BCKDHB: variants seen among roughly 807,000 people sequenced by gnomAD.
BCKDHB encodes branched chain keto acid dehydrogenase E1 subunit beta.
Under a neutral mutation model 48.5 loss-of-function variants are expected in BCKDHB, and 41 were observed. The observed-to-expected ratio is 0.85, with a 90% CI of 0.66 to 1.10. The LOEUF (loss-of-function observed/expected upper bound fraction) is 1.10. Ranked by LOEUF, BCKDHB falls within the 50% of genes least tolerant of loss-of-function variation. BCKDHB has a pLI of 0.00. For synonymous variants in BCKDHB, 201 were observed against 174.8 expected (o/e 1.15, Z -1.18); for missense variants, 496 against 494.2 (o/e 1.00, Z -0.03).
At chr6:80,155,854 TTTAGGTTTTC>T (rs1253589902) in intron 3 of BCKDHB, among the ~76,000 whole-genome samples, 8 of 151,674 alleles carry the variant, frequency 5.3e-5, no homozygotes, top group African/African-American at 1.9e-4. Context: ...TTTTTTTTTT[TTTAGGTTTTC>T]TTTTTTTGAG....
At chr6:80,203,471 T>C (rs1203195903) in intron 8 of BCKDHB, among the ~76,000 whole-genome samples, 1 of 152,104 alleles carries the variant, frequency 6.6e-6, no homozygotes, top group Non-Finnish European at 1.5e-5. Context: ...TGCAGTCACC[T>C]TGGGTTGAAT....
chr6:80,205,934 C>CACTTGCTATT (rs1774636590), intron 8 of BCKDHB, among the ~76,000 whole-genome samples: 1 of 151,694 alleles, frequency 6.6e-6, no homozygotes, highest in Non-Finnish European at 1.5e-5. Context: ...TAGTTGGCTA[C>CACTTGCTATT]ACTTGCTATT....
chr6:80,122,537 G>C (rs189587656), intron 1 of BCKDHB, among the ~76,000 whole-genome samples: 95 of 152,268 alleles, frequency 6.2e-4, no homozygotes, highest in African/African-American at 2.3e-3. Flanking sequence ...CAGCTGGGCC[G>C]CCGGGGGTGA....
chr6:80,118,179 G>A (rs1417890341), intron 1 of BCKDHB, among the ~76,000 whole-genome samples: 3 of 151,992 alleles, frequency 2.0e-5, no homozygotes, highest in African/African-American at 4.8e-5. Context: ...GGCCTACCTC[G>A]GACATATTGT....
chr6:80,205,986 A>G (rs1774639192), intron 8 of BCKDHB, among the ~76,000 whole-genome samples: 1 of 152,062 alleles, frequency 6.6e-6, no homozygotes, highest in Non-Finnish European at 1.5e-5. Flanking sequence ...TATAGAACTC[A>G]TATTTTGTGG....
At chr6:80,336,087 T>C (rs1769576486) in intron 9 of BCKDHB, among the ~76,000 whole-genome samples, 1 of 152,008 alleles carries the variant, frequency 6.6e-6, no homozygotes, top group Non-Finnish European at 1.5e-5. Context: ...TATAAAGCTA[T>C]AGTTTTGAGA....
At chr6:80,396,854 C>A in the BCKDHB span, among the ~76,000 whole-genome samples, 6 of 152,142 alleles carry the variant, frequency 3.9e-5, no homozygotes, top group African/African-American at 1.4e-4. Context: ...ATCAATTAAA[C>A]CTCTTTTCAT....
chr6:80,287,536 G>A (rs1019005233), intron 9 of BCKDHB, among the ~76,000 whole-genome samples: 2 of 151,188 alleles, frequency 1.3e-5, no homozygotes, highest in Non-Finnish European at 2.9e-5. Flanking sequence ...CCAGGTTCTT[G>A]TCTCCCAACC....
At chr6:80,225,505 G>A (rs930428306) in intron 8 of BCKDHB, among the ~76,000 whole-genome samples, 5 of 152,090 alleles carry the variant, frequency 3.3e-5, no homozygotes, top group African/African-American at 1.2e-4. Flanking sequence ...AAAATATAGG[G>A]CATATTACAG....
At chr6:80,264,872 A>G (rs1777448670) in intron 8 of BCKDHB, among the ~76,000 whole-genome samples, 1 of 152,098 alleles carries the variant, frequency 6.6e-6, no homozygotes, top group Non-Finnish European at 1.5e-5. Context: ...ACAAAACATA[A>G]AACAGGGGGA....
the BCKDHB span, among the ~76,000 whole-genome samples, chr6:80,439,822 T>G: frequency 6.6e-6 from 1 of 152,172 alleles, no homozygotes; most frequent in Non-Finnish European, 1.5e-5. Flanking sequence ...TAGTTAGACT[T>G]AAGTCTGTAC....
the BCKDHB span, among the ~76,000 whole-genome samples, chr6:80,363,678 G>T: frequency 6.6e-6 from 1 of 152,132 alleles, no homozygotes; most frequent in South Asian, 2.1e-4. Context: ...AGGGCTGTGG[G>T]CCAAGGAGAT....
chr6:80,166,149 A>G (rs2127771538), intron 3 of BCKDHB, among the ~76,000 whole-genome samples: 1 of 152,262 alleles, frequency 6.6e-6, no homozygotes, highest in African/African-American at 2.4e-5. Context: ...TGGCCCTTCA[A>G]TGCCTTTAAA....
At chr6:80,220,561 C>T (rs1775396485) in intron 8 of BCKDHB, among the ~76,000 whole-genome samples, 1 of 151,356 alleles carries the variant, frequency 6.6e-6, no homozygotes, top group Non-Finnish European at 1.5e-5. Context: ...ATGGATGAGA[C>T]ATTGCTTTAG....
the BCKDHB span, among the ~76,000 whole-genome samples, chr6:80,428,290 G>T: frequency 3.1e-4 from 47 of 152,190 alleles, no homozygotes; most frequent in African/African-American, 1.1e-3. Context: ...CATTTGGGTT[G>T]GTTCCAAGTC....
At chr6:80,276,067 A>T (rs560076094) in intron 9 of BCKDHB, among the ~76,000 whole-genome samples, 25 of 152,192 alleles carry the variant, frequency 1.6e-4, no homozygotes, top group African/African-American at 6.0e-4. Flanking sequence ...GATGTTTTAA[A>T]TCGTGGATGA....
In BCKDHB at chr6:80,106,733, C is replaced by T. The variant is rs1371816763; in HGVS notation, c.40C>T (p.Leu14Phe). The change falls in exon 1 of 10, where the codon CTC becomes TTC. Residue 14 changes from leucine to phenylalanine, a missense_variant. Transcript: ENST00000320393. ...GGCGGCTGCCGGCTGGCTACTCAGGCTCAGGGCGGCAGGGGCTGAGGGGCA... is the reference window on the plus strand; with the variant it reads ...GGCGGCTGCCGGCTGGCTACTCAGGTTCAGGGCGGCAGGGGCTGAGGGGCA... ...VAAAAGWLLR[L>F]RAAGAEGHWR... 3.2e-6 allele frequency: 5 copies of T among 1,559,890 alleles called. No homozygotes were observed. Among genetic ancestry groups the T allele is most frequent in the Non-Finnish European group, 4.3e-6 (5 of 1,153,172 alleles).
intron 3 of BCKDHB, among the ~76,000 whole-genome samples, chr6:80,166,812 G>T (rs1339138470): frequency 1.3e-5 from 2 of 152,178 alleles, no homozygotes; most frequent in Non-Finnish European, 2.9e-5. Context: ...ATTGATGTCA[G>T]TGTTTTCTGT....
At chr6:80,150,018 T>C (rs946602331) in intron 3 of BCKDHB, among the ~76,000 whole-genome samples, 1 of 151,974 alleles carries the variant, frequency 6.6e-6, no homozygotes, top group Non-Finnish European at 1.5e-5. Flanking sequence ...TTTCATAGCT[T>C]AGTATAAGAC....
Sources: allele counts gnomAD v4.1 joint callset (sites outside exome capture counted in the v4.1 genomes callset), GRCh38; gene constraint gnomAD v4.1.1; transcripts MANE v1.5; gene names NCBI Gene and HGNC (gene_info 2026-07-23, HGNC 2026-07-21).